The following GYPC variants were observed in gnomAD, a reference collection of about 807,000 sequenced individuals.
GYPC encodes glycophorin-C.
A neutral mutation model predicts 12.6 loss-of-function variants in GYPC; 14 were observed. The ratio of observed to expected loss-of-function variants is 1.11; its 90% CI spans 0.74 to 1.74. GYPC has a LOEUF of 1.74. GYPC is among the 40% of genes most tolerant of loss of function. GYPC has a pLI of 0.00. For synonymous variants in GYPC, 78 were observed against 62.1 expected, an observed-to-expected ratio of 1.26 and a Z score of -1.20; for missense variants, 225 against 172.1, an observed-to-expected ratio of 1.31 and a Z score of -1.72.
chr2:126,691,684 G>A (rs755550204), intron 2 of GYPC, among the ~76,000 whole-genome samples: 2 of 152,128 alleles, frequency 1.3e-5, no homozygotes, highest in Non-Finnish European at 2.9e-5. Flanking sequence ...TAATCTCCAA[G>A]CAGTGTTCTT....
At chr2:126,681,300 G>A (rs1278847180) in intron 1 of GYPC, among the ~76,000 whole-genome samples, 1 of 152,136 alleles carries the variant, frequency 6.6e-6, no homozygotes, top group Non-Finnish European at 1.5e-5. Context: ...CTGTTGCTAA[G>A]TTCACGTGCA....
chr2:126,673,454 T>TG (rs1682908467), intron 1 of GYPC, among the ~76,000 whole-genome samples: 1 of 152,152 alleles, frequency 6.6e-6, no homozygotes, highest in South Asian at 2.1e-4. Flanking sequence ...GAGCTGCCAG[T>TG]GTGCTCTCGG....
Position 126,679,042 on chromosome 2 carries a change from G to A in GYPC, c.50-11213G>A, listed in dbSNP as rs1683088897. On this transcript the variant is annotated intron_variant, in intron 1 of 3. Transcript: ENST00000259254. ...TTATTTACACATGCAGCCCAATCGA[G>A]GACATTTAGTCATGTAATTAAGTAC... Among the ~76,000 whole-genome samples the A allele has an allele frequency of 2.6e-5, 4 of 152,270 alleles. No individual in the cohort carries two copies. The South Asian group carries it at 8.3e-4, about 32-fold the overall frequency.
chr2:126,690,292 G>A lies in GYPC; in HGVS notation c.87G>A (p.Met29Ile). 2 of 1,612,260 alleles carry A rather than the reference G, an allele frequency of 1.2e-6. No individual in the cohort carries two copies. The highest frequency in any genetic ancestry group is 1.7e-4 in the Middle Eastern group (1 of 6,052). ...DPGMASASTT[M>I]HTTTIAEPDP... ...GGATGGCCTCTGCCTCCACCACAAT[G>A]CATACTACCACCATTGCAGGTGAGT... is the stretch of plus-strand genomic sequence containing the variant. Residue 29 changes from methionine (M) to isoleucine (I), a missense_variant, in exon 2 of 4, where the codon ATG becomes ATA. Coordinates refer to ENST00000259254, the MANE Select transcript of GYPC (RefSeq NM_002101.5).
At chr2:126,678,560 CCT>C (rs1205805483) in intron 1 of GYPC, 2 of 152,264 alleles carry the variant, frequency 1.3e-5, no homozygotes, top group Admixed American at 6.5e-5. Flanking sequence ...CTCACGGAGC[CCT>C]CTCTGGCTAG....
chr2:126,665,655 G>A (rs1011277517), intron 1 of GYPC, among the ~76,000 whole-genome samples: 1 of 152,210 alleles, frequency 6.6e-6, no homozygotes, highest in Non-Finnish European at 1.5e-5. Flanking sequence ...GGGCCCAAGG[G>A]ATGCCGACGC....
At chr2:126,662,050 A>C (rs1682549536) in intron 1 of GYPC, among the ~76,000 whole-genome samples, 1 of 152,102 alleles carries the variant, frequency 6.6e-6, no homozygotes, top group African/African-American at 2.4e-5. Context: ...CATTTTTACG[A>C]GGGGCTCAGG....
At chr2:126,678,028 T>C (rs1193036134) in intron 1 of GYPC, among the ~76,000 whole-genome samples, 1 of 152,178 alleles carries the variant, frequency 6.6e-6, no homozygotes, top group East Asian at 1.9e-4. Context: ...AAGACCATCC[T>C]GGCTAACACG....
At chr2:126,664,778 C>T (rs1682632159) in intron 1 of GYPC, among the ~76,000 whole-genome samples, 1 of 152,222 alleles carries the variant, frequency 6.6e-6, no homozygotes, top group Non-Finnish European at 1.5e-5. Flanking sequence ...GCTCCCAGGG[C>T]TCTGATCCTC....
intron 1 of GYPC, among the ~76,000 whole-genome samples, chr2:126,681,347 G>T (rs972247233): frequency 6.6e-6 from 1 of 152,042 alleles, no homozygotes; most frequent in East Asian, 1.9e-4. Context: ...GTCATATGGG[G>T]GTATCATAAT....
intron 1 of GYPC, among the ~76,000 whole-genome samples, chr2:126,667,183 T>C (rs1682707535): frequency 6.6e-6 from 1 of 152,152 alleles, no homozygotes; most frequent in South Asian, 2.1e-4. Context: ...TAGAGATACG[T>C]GGATTTAGAG....
intron 1 of GYPC, 61 bp downstream of exon 1, chr2:126,656,373 C>A: frequency 6.9e-7 from 1 of 1,441,414 alleles, no homozygotes; most frequent in South Asian, 1.2e-5. Flanking sequence ...CCCGCAGCAG[C>A]CAGGGGCCGA....
rs1683565316 is a variant in GYPC, at chr2:126,694,065, C to A, written c.190+118C>A. Reference sequence around the variant, plus strand: ...GGTGGCTGTGGCCATTTTTTCTCTCCCTCAGAGGTGGTTTTGAATGTGGAA... The same window carrying A: ...GGTGGCTGTGGCCATTTTTTCTCTCACTCAGAGGTGGTTTTGAATGTGGAA... On this transcript the variant is annotated intron_variant, in intron 3 of 3. Coordinates refer to ENST00000259254, the MANE Select transcript of GYPC (RefSeq NM_002101.5). 5.4e-6 allele frequency: 4 copies of A among 747,352 alleles called. No homozygotes were observed. In the Admixed American group the frequency reaches 7.8e-5, roughly 15 times the overall value. 46.3% of individuals were successfully genotyped at this position (747,352 alleles called of 1,614,324 possible).
intron 1 of GYPC, among the ~76,000 whole-genome samples, chr2:126,677,361 G>A (rs1464534710): frequency 6.6e-6 from 1 of 151,792 alleles, no homozygotes; most frequent in African/African-American, 2.4e-5. Flanking sequence ...GTGTGAGTGT[G>A]AGAGAATGAG....
At chr2:126,675,698 C>G (rs571932464) in intron 1 of GYPC, 1 of 985,024 alleles carries the variant, frequency 1.0e-6, no homozygotes, top group East Asian at 1.1e-4. Flanking sequence ...AAAACGCAGA[C>G]TTCTTAGTCT....
At chr2:126,659,794 T>G (rs1682481785) in intron 1 of GYPC, among the ~76,000 whole-genome samples, 1 of 149,908 alleles carries the variant, frequency 6.7e-6, no homozygotes, top group Non-Finnish European at 1.5e-5. Context: ...TTTTTTTTTT[T>G]TTTGAGACAG....
intron 1 of GYPC, among the ~76,000 whole-genome samples, chr2:126,662,864 G>A (rs1180713860): frequency 3.9e-5 from 6 of 151,964 alleles, no homozygotes; most frequent in Admixed American, 2.6e-4. Context: ...GTGCTTAAAC[G>A]CCAGCTTCCT....
intron 1 of GYPC, among the ~76,000 whole-genome samples, chr2:126,677,692 G>A (rs531953242): frequency 1.2e-3 from 175 of 152,170 alleles, no homozygotes; most frequent in African/African-American, 3.8e-3. Context: ...GTTGCCTGCC[G>A]TAATCCTTCG....
At chr2:126,657,435 T>C (rs1682394666) in intron 1 of GYPC, among the ~76,000 whole-genome samples, 1 of 152,222 alleles carries the variant, frequency 6.6e-6, no homozygotes, top group Non-Finnish European at 1.5e-5. Flanking sequence ...GTAGGAATAA[T>C]AACAGGAGAT....
Sources: allele counts gnomAD v4.1 joint callset (sites outside exome capture counted in the v4.1 genomes callset), GRCh38; gene constraint gnomAD v4.1.1; transcripts MANE v1.5; gene names NCBI Gene and HGNC (gene_info 2026-07-23, HGNC 2026-07-21).